Variants in ADAMTS6 observed in about 807,000 individuals in gnomAD.
ADAMTS6 encodes ADAM metallopeptidase with thrombospondin type 1 motif 6.
Under a neutral mutation model 144.3 loss-of-function variants are expected in ADAMTS6, and 23 were observed. The observed-to-expected ratio is 0.16, with a 90% CI of 0.11 to 0.23. The LOEUF is 0.23. ADAMTS6 is among the 10% of genes least tolerant of loss of function. The probability of loss-of-function intolerance (pLI) is 1.00; values close to 1 mark genes in which losing one functional copy is unlikely to be tolerated. For missense variants in ADAMTS6, 999 were observed against 1,379.6 expected (o/e 0.72, Z 4.37); for synonymous variants, 444 against 457.5 (o/e 0.97, Z 0.38).
intron 7 of ADAMTS6, among the ~76,000 whole-genome samples, chr5:65,350,273 C>T (rs1748733059): frequency 6.6e-6 from 1 of 152,104 alleles, no homozygotes; most frequent in African/African-American, 2.4e-5. Flanking sequence ...TTTGTCTGAC[C>T]TTCAGTGAAG....
intron 15 of ADAMTS6, among the ~76,000 whole-genome samples, chr5:65,235,656 G>A (rs904169423): frequency 2.0e-5 from 3 of 152,072 alleles, no homozygotes; most frequent in Non-Finnish European, 2.9e-5. Flanking sequence ...TCCTGCCCTC[G>A]AACATTTGAC....
chr5:65,378,649 C>T (rs1361025390), intron 7 of ADAMTS6, among the ~76,000 whole-genome samples: 1 of 152,162 alleles, frequency 6.6e-6, no homozygotes, highest in African/African-American at 2.4e-5. Flanking sequence ...AAGCTAACCC[C>T]AAACATACTT....
At chr5:65,297,716 G>A (rs1054869690) in intron 10 of ADAMTS6, among the ~76,000 whole-genome samples, 5 of 152,054 alleles carry the variant, frequency 3.3e-5, no homozygotes, top group Admixed American at 1.3e-4. Flanking sequence ...TTTGTGCTCC[G>A]GTGAACTGAC....
intron 16 of ADAMTS6, among the ~76,000 whole-genome samples, chr5:65,225,666 A>C (rs1333857754): frequency 6.6e-6 from 1 of 152,212 alleles, no homozygotes; most frequent in African/African-American, 2.4e-5. Context: ...AAGTAGGAGG[A>C]GCATGGCTGT....
chr5:65,312,657 A>G (rs1475791177), intron 9 of ADAMTS6, among the ~76,000 whole-genome samples: 1 of 152,068 alleles, frequency 6.6e-6, no homozygotes, highest in Non-Finnish European at 1.5e-5. Flanking sequence ...TCCCCATACC[A>G]TACACAATAA....
At chr5:65,207,707 T>C (rs2112286532) in intron 20 of ADAMTS6, among the ~76,000 whole-genome samples, 1 of 152,382 alleles carries the variant, frequency 6.6e-6, no homozygotes, top group Admixed American at 6.5e-5. Context: ...TCTTCTCTGA[T>C]TAGAACTGTA....
intron 7 of ADAMTS6, among the ~76,000 whole-genome samples, chr5:65,353,152 C>T (rs1749017035): frequency 6.6e-6 from 1 of 151,866 alleles, no homozygotes; most frequent in African/African-American, 2.4e-5. Context: ...TGCATCTTGG[C>T]CAGAAACATT....
chr5:65,155,045 C>T (rs1478229004), intron 24 of ADAMTS6, among the ~76,000 whole-genome samples: 1 of 152,112 alleles, frequency 6.6e-6, no homozygotes, highest in Non-Finnish European at 1.5e-5. Context: ...TTGGTTTTGC[C>T]TTCTAGGAAC....
At chr5:65,301,381 CTA>C (rs540782639) in intron 9 of ADAMTS6, among the ~76,000 whole-genome samples, 34 of 152,204 alleles carry the variant, frequency 2.2e-4, no homozygotes, top group African/African-American at 7.9e-4. Flanking sequence ...GAAAATGTCA[CTA>C]GAGTGTAAAA....
At chr5:65,352,468 G>A (rs1561454726) in intron 7 of ADAMTS6, among the ~76,000 whole-genome samples, 1 of 151,836 alleles carries the variant, frequency 6.6e-6, no homozygotes, top group African/African-American at 2.4e-5. Flanking sequence ...GAAGGGACGG[G>A]GTAAGAAACT....
At chr5:65,302,066 A>G in intron 9 of ADAMTS6, among the ~76,000 whole-genome samples, 1 of 142,546 alleles carries the variant, frequency 7.0e-6, no homozygotes. Context: ...TACTATAGCT[A>G]GGGTAACAGA....
At chr5:65,384,732 T>C (rs1752345976) in intron 7 of ADAMTS6, among the ~76,000 whole-genome samples, 1 of 152,212 alleles carries the variant, frequency 6.6e-6, no homozygotes. Flanking sequence ...CTCTACCCAT[T>C]ACTAAGTTCC....
At chr5:65,459,919 G>A (rs547244639) in intron 4 of ADAMTS6, among the ~76,000 whole-genome samples, 5 of 152,074 alleles carry the variant, frequency 3.3e-5, no homozygotes, top group Middle Eastern at 3.4e-3. Flanking sequence ...AAAATAAAAT[G>A]GTTATTTTTT....
At chr5:65,260,421 AC>A (rs1167421183) in intron 14 of ADAMTS6, among the ~76,000 whole-genome samples, 178 bp downstream of exon 14, 1 of 152,000 alleles carries the variant, frequency 6.6e-6, no homozygotes, top group East Asian at 1.9e-4. Context: ...CTCCCCCTTG[AC>A]CCTTATTAAT....
Position 65,398,116 on chromosome 5 carries a change from T to C in ADAMTS6, c.1073+53359A>G, listed in dbSNP as rs116243627. On this transcript the variant is annotated intron_variant, in intron 7 of 24. Coordinates refer to ENST00000381055, the MANE Select transcript of ADAMTS6 (RefSeq NM_197941.4). ...TATATTCTGCTGTTATTGGATAAAG[T>C]AGTCTACAGATATCAATCATATCCA... 1.9e-3 allele frequency among the ~76,000 whole-genome samples: 295 copies of C among 152,296 alleles called. 2 individuals are homozygous for C. The highest frequency in any genetic ancestry group is 6.5e-3 in the African/African-American group (272 of 41,566).
intron 9 of ADAMTS6, among the ~76,000 whole-genome samples, chr5:65,327,427 AT>A (rs78646201): frequency 0.047 from 6,871 of 144,770 alleles, 253 homozygotes; most frequent in African/African-American, 0.11. Flanking sequence ...GGAAAAACCT[AT>A]TTTTTTTTTT....
chr5:65,192,232 AT>A (rs34733718), intron 21 of ADAMTS6, among the ~76,000 whole-genome samples: 53,096 of 151,830 alleles, frequency 0.35, 9,765 homozygotes, highest in Admixed American at 0.47. Flanking sequence ...ACTTTTGCTT[AT>A]AACTCTCTTA....
At chr5:65,425,193 T>C (rs1273996530) in intron 7 of ADAMTS6, among the ~76,000 whole-genome samples, 14 of 152,132 alleles carry the variant, frequency 9.2e-5, no homozygotes, top group Admixed American at 8.5e-4. Context: ...TTTAAAAATT[T>C]CGTATTTTCG....
At chr5:65,477,311 C>CT (rs1173364164) in intron 1 of ADAMTS6, among the ~76,000 whole-genome samples, 1 of 152,156 alleles carries the variant, frequency 6.6e-6, no homozygotes, top group African/African-American at 2.4e-5. Flanking sequence ...AAAACATATA[C>CT]TTAACACATT....
Sources: gnomAD v4.1 joint callset for allele counts (sites outside exome capture counted in the v4.1 genomes callset) on GRCh38, gnomAD v4.1.1 for gene constraint, MANE v1.5 for transcripts, NCBI Gene and HGNC (gene_info 2026-07-23, HGNC 2026-07-21) for gene names.